Variants in SETD1B observed in about 807,000 individuals in gnomAD.
The protein encoded by SETD1B is histone-lysine N-methyltransferase SETD1B.
Under a neutral mutation model 148.0 loss-of-function variants are expected in SETD1B, and 7 were observed. That is an observed-to-expected ratio of 0.05 (90% CI 0.03 to 0.09). SETD1B has a LOEUF of 0.09. SETD1B is among the 10% of genes least tolerant of loss of function. SETD1B has a pLI of 1.00. For synonymous variants in SETD1B, 1,361 were observed against 1,186.5 expected, an observed-to-expected ratio of 1.15 and a Z score of -3.02; for missense variants, 2,155 against 2,729.9, an observed-to-expected ratio of 0.79 and a Z score of 4.69.
chr12:121,799,472 G>T (rs961269903), upstream of SETD1B: 1 of 152,238 alleles, frequency 6.6e-6, no homozygotes, highest in African/African-American at 2.4e-5. Flanking sequence ...CACGGGGGCG[G>T]CTGGAGGGAA....
In SETD1B at chr12:121,817,659, C is replaced by T. The variant is rs1231219201; in HGVS notation, c.3267C>T (p.Pro1089=). ...EAEEEEEEEV[P]RSQLSSSSTS... is the part of the protein sequence containing the mutation. The stretch of plus-strand genomic sequence containing the variant: ...AGGAGGAGGAGGAGGAGGAAGTCCC[C>T]AGGAGCCAGCTCTCCTCCTCCTCAA... The change falls in exon 9 of 17, where the codon CCC becomes CCT. Residue 1089 remains proline (P), a synonymous_variant. Transcript: ENST00000604567. This position sits in a 1 kb window ranked among gnomAD's most constrained non-coding sequence, Gnocchi z 8.1. The T allele has an allele frequency of 3.2e-6, 5 of 1,550,844 alleles. No homozygotes were observed. The highest frequency in any genetic ancestry group is 2.0e-5 in the Admixed American group (1 of 51,000).
At chr12:121,797,820 TAGA>T in the SETD1B span, 3 of 346,744 alleles carry the variant, frequency 8.7e-6, no homozygotes, top group African/African-American at 4.3e-5. Context: ...TCAGGGAGTA[TAGA>T]AGGAGGAGGC....
chr12:121,814,978 AGGTCC>A (rs1300275290), intron 7 of SETD1B, 48 bp downstream of exon 7: 1 of 1,472,916 alleles, frequency 6.8e-7, no homozygotes, highest in Admixed American at 2.1e-5. Context: ...GGAGGGGGGC[AGGTCC>A]CCAGCCGGGC....
At position 121,819,394 on chromosome 12, in the gene SETD1B, C is replaced by A; in HGVS notation, c.3419-10C>A. On this transcript the variant is annotated splice_polypyrimidine_tract_variant and intron_variant, in intron 10 of 16. Transcript: ENST00000604567. Reference sequence around the variant, plus strand: ...CCTCAGGCAGCCCCTCGTCTGTGTCCCCCATCCAGAGGAGACAGTGAGCAT... The same window carrying A: ...CCTCAGGCAGCCCCTCGTCTGTGTCACCCATCCAGAGGAGACAGTGAGCAT... The A allele has an allele frequency of 6.4e-7, 1 of 1,551,536 alleles. No individual in the cohort carries two copies. The highest frequency in any genetic ancestry group is 8.7e-7 in the Non-Finnish European group (1 of 1,146,956).
the SETD1B span, chr12:121,793,743 T>G: frequency 2.9e-6 from 3 of 1,027,494 alleles, no homozygotes; most frequent in Middle Eastern, 3.3e-4. Context: ...CAGCGCCGCC[T>G]CCGCCAGGCA....
At position 121,828,911 on chromosome 12, in the gene SETD1B, T is replaced by C. The variant is rs890992979; in HGVS notation, c.5727+841T>C. Among the ~76,000 whole-genome samples, 108 of 152,336 alleles carry C rather than the reference T, an allele frequency of 7.1e-4. 1 individual carries two copies. Among genetic ancestry groups the C allele is most frequent in the Non-Finnish European group, 2.4e-4 (16 of 68,026 alleles). ...GCCTGCTGGCTCTCTTCGTTGTGAC[T>C]TGATCCTTGCCTGGGTGGTAGGGAC... On this transcript the variant is annotated intron_variant, in intron 16 of 16. Coordinates refer to ENST00000604567, the MANE Select transcript of SETD1B (RefSeq NM_001353345.2).
At chr12:121,821,325 T>A (rs1417155449) in intron 11 of SETD1B, among the ~76,000 whole-genome samples, 1 of 151,344 alleles carries the variant, frequency 6.6e-6, no homozygotes, top group Admixed American at 6.6e-5. Context: ...TAATCCCAGC[T>A]ACTTGGGAGG....
chr12:121,816,970 G>A (rs1876319504), intron 7 of SETD1B, 63 bp from the exon 8 acceptor site: 1 of 1,398,400 alleles, frequency 7.2e-7, no homozygotes, highest in Non-Finnish European at 9.5e-7. Flanking sequence ...AGCCTGGGGA[G>A]GGCTCCCTGC....
intron 12 of SETD1B, among the ~76,000 whole-genome samples, chr12:121,824,718 C>T (rs1876756436): frequency 6.6e-6 from 1 of 151,758 alleles, no homozygotes; most frequent in South Asian, 2.1e-4. Context: ...CACTGTCACC[C>T]CAATTTACAG....
At chr12:121,825,100 C>A in intron 12 of SETD1B, 100 bp from the exon 13 acceptor site, 1 of 1,263,496 alleles carries the variant, frequency 7.9e-7, no homozygotes, top group African/African-American at 1.5e-5. Context: ...AACTGGACAT[C>A]GCTGTCCCTG....
the SETD1B span, chr12:121,793,477 G>T: frequency 6.5e-7 from 1 of 1,539,566 alleles, no homozygotes. Context: ...CCCCACCCCA[G>T]CCCCGCTGCG....
rs917639822 is a variant in SETD1B at position 121,814,163 on chromosome 12, C to G, written c.1948C>G (p.Pro650Ala). 8.4e-6 allele frequency: 13 copies of G among 1,548,066 alleles called. No individual in the cohort carries two copies. The highest frequency in any genetic ancestry group is 1.1e-5 in the Non-Finnish European group (13 of 1,146,618). Reference protein sequence around the residue: ...EISDDEMPSAPITSADCPKPM... With the variant: ...EISDDEMPSAAITSADCPKPM... ...CTCGGATGACGAGATGCCCTCGGCC[C>G]CCATCACCAGCGCTGACTGCCCCAA... The change falls in exon 7 of 17, where the codon CCC becomes GCC. Residue 650 changes from proline (P) to alanine (A), a missense_variant. By Grantham distance (27) the Pro-to-Ala change is conservative. Transcript: ENST00000604567.
At position 121,805,101 on chromosome 12, in the gene SETD1B, C is replaced by G; in HGVS notation, c.175-17C>G. The G allele has an allele frequency of 6.4e-7, 1 of 1,550,460 alleles. No individual in the cohort carries two copies. The highest frequency in any genetic ancestry group is 1.2e-5 in the South Asian group (1 of 84,034). On this transcript the variant is annotated splice_polypyrimidine_tract_variant and intron_variant, in intron 2 of 16. Transcript: ENST00000604567. The surrounding 1 kb of genome is among the most constrained non-coding windows in gnomAD (Gnocchi z 4.2). ...GGACCAGTTCTCTCATCCCGGCCCCCCAATTTCTCCCCACAGATGTCCAGC... is the reference window on the plus strand; with the variant it reads ...GGACCAGTTCTCTCATCCCGGCCCCGCAATTTCTCCCCACAGATGTCCAGC...
intron 16 of SETD1B, 118 bp downstream of exon 16, chr12:121,828,188 G>C (rs1376145326): frequency 2.9e-6 from 4 of 1,367,382 alleles, no homozygotes; most frequent in Non-Finnish European, 4.0e-6. Flanking sequence ...CCCAAGCTCA[G>C]GTTGGCCAAG....
chr12:121,823,965 G>A (rs1465224044), intron 12 of SETD1B, among the ~76,000 whole-genome samples: 1 of 152,174 alleles, frequency 6.6e-6, no homozygotes, highest in East Asian at 1.9e-4. Context: ...TCTGCGCCAG[G>A]CCCATCTCAC....
intron 4 of SETD1B, among the ~76,000 whole-genome samples, chr12:121,806,554 A>C (rs1875751069): frequency 6.6e-6 from 1 of 152,210 alleles, no homozygotes; most frequent in Admixed American, 6.5e-5. Flanking sequence ...CTAAGGATCC[A>C]GGGTGTCCCC....
Position 121,810,708 on chromosome 12 carries a change from T to A in SETD1B, c.1763T>A (p.Leu588Gln), listed in dbSNP as rs1875992127. Reference sequence around the variant, plus strand: ...TCCGACGAGGACGAGGAGCTCGACCTGGGCCTTGGGCCTCGGCCTCCACCT... The same window carrying A: ...TCCGACGAGGACGAGGAGCTCGACCAGGGCCTTGGGCCTCGGCCTCCACCT... The part of the protein sequence containing the change: ...PDSDEDEELD[L>Q]GLGPRPPPEP... The change falls in exon 6 of 17, where the codon CTG (leucine) becomes CAG (glutamine). Residue 588 changes from leucine to glutamine, a missense_variant. Physicochemically the swap from Leu to Gln is moderately radical, Grantham distance 113. Coordinates refer to ENST00000604567, the MANE Select transcript of SETD1B (RefSeq NM_001353345.2). The surrounding 1 kb of genome is among the most constrained non-coding windows in gnomAD (Gnocchi z 7.6). 6.4e-7 allele frequency: 1 copy of A among 1,550,946 alleles called. No individual in the cohort carries two copies. The highest frequency in any genetic ancestry group is 1.2e-5 in the South Asian group (1 of 84,024).
the SETD1B span, chr12:121,793,482 G>T: frequency 1.3e-6 from 2 of 1,540,084 alleles, no homozygotes. Flanking sequence ...CCCCAGCCCC[G>T]CTGCGGGCCT....
In SETD1B at chr12:121,814,113, A is replaced by G; in HGVS notation, c.1898A>G (p.Gln633Arg). The G allele has an allele frequency of 6.5e-7, 1 of 1,547,570 alleles. No homozygotes were observed. Among genetic ancestry groups the G allele is most frequent in the Non-Finnish European group, 8.7e-7 (1 of 1,146,146 alleles). The change falls in exon 7 of 17, where the codon CAG (glutamine) becomes CGG (arginine). Residue 633 changes from glutamine (Q) to arginine (R), a missense_variant. Transcript: ENST00000604567. ...PTSEKMDEGQ[Q>R]SSGEDMEISD... ...TCCCTGCTCTCTCTGCAGGGCCAGC[A>G]GTCCTCAGGCGAGGACATGGAGATC...
Sources: allele counts gnomAD v4.1 joint callset (sites outside exome capture counted in the v4.1 genomes callset), GRCh38; gene constraint gnomAD v4.1.1; non-coding constraint Gnocchi (gnomAD v3.1); transcripts MANE v1.5; gene names NCBI Gene and HGNC (gene_info 2026-07-23, HGNC 2026-07-21).